The following VTCN1 variants were observed in gnomAD, a reference collection of about 807,000 sequenced individuals.
VTCN1 encodes V-set domain containing T cell activation inhibitor 1.
Under a neutral mutation model 26.5 loss-of-function variants are expected in VTCN1, and 26 were observed. The observed-to-expected ratio is 0.98, with a 90% CI of 0.72 to 1.36. The LOEUF (loss-of-function observed/expected upper bound fraction) is 1.36, where lower values mean the gene tolerates loss of function less well. Ranked by LOEUF, VTCN1 falls within the 40% of genes most tolerant of loss-of-function variation. VTCN1 has a pLI of 0.00. For missense variants in VTCN1, 298 were observed against 337.7 expected (o/e 0.88, Z 0.92); for synonymous variants, 116 against 130.7 (o/e 0.89, Z 0.77).
rs2101507472 is a variant in VTCN1 at position 117,167,245 on chromosome 1, T to G, written c.97+2862A>C. Among the ~76,000 whole-genome samples, 1 of 152,262 alleles carries G rather than the reference T, an allele frequency of 6.6e-6. No individual in the cohort carries two copies. The highest frequency in any genetic ancestry group is 2.4e-5 in the African/African-American group (1 of 41,544). On this transcript the variant is annotated intron_variant, in intron 2 of 5. Transcript: ENST00000369458. The surrounding 1 kb of genome is among the most constrained non-coding windows in gnomAD (Gnocchi z 4.1). ...AACATAAAAATCCACACATCATAAC[T>G]GTACAGCTTGAAGAATGATTATAAC...
rs1160631213 is a variant in VTCN1, at chr1:117,146,368, C to A, written c.*46-1143G>T. Among the ~76,000 whole-genome samples the A allele has an allele frequency of 2.6e-5, 4 of 152,132 alleles. No homozygotes were observed. Among genetic ancestry groups the A allele is most frequent in the Non-Finnish European group, 5.9e-5 (4 of 68,034 alleles). On this transcript the variant is annotated intron_variant, in intron 5 of 5. Transcript: ENST00000369458. This position sits in a 1 kb window ranked among gnomAD's most constrained non-coding sequence, Gnocchi z 4.2. Reference sequence around the variant, plus strand: ...TTTGTTCACTGCACTATAGTGAAATCTTGGAGAACAAGAGAAAGAATGAAA... The same window carrying A: ...TTTGTTCACTGCACTATAGTGAAATATTGGAGAACAAGAGAAAGAATGAAA...
chr1:117,174,634 G>A (rs1168261967), intron 1 of VTCN1, among the ~76,000 whole-genome samples: 2 of 152,170 alleles, frequency 1.3e-5, no homozygotes. Context: ...GGGCGTGGTG[G>A]CAAGTGCCTG....
intron 1 of VTCN1, among the ~76,000 whole-genome samples, chr1:117,210,372 C>T (rs1397813381): frequency 6.6e-6 from 1 of 152,182 alleles, no homozygotes; most frequent in Non-Finnish European, 1.5e-5. Flanking sequence ...AGAATGAAAG[C>T]ACATTCTCCT....
intron 1 of VTCN1, among the ~76,000 whole-genome samples, chr1:117,192,282 A>G (rs762351154): frequency 6.6e-6 from 1 of 152,100 alleles, no homozygotes; most frequent in Non-Finnish European, 1.5e-5. Flanking sequence ...TCAACCCAAA[A>G]TACTAAACCT....
intron 1 of VTCN1, among the ~76,000 whole-genome samples, chr1:117,193,591 A>G (rs1648356936): frequency 6.6e-6 from 1 of 152,174 alleles, no homozygotes; most frequent in Non-Finnish European, 1.5e-5. Flanking sequence ...GGAGCATCTA[A>G]ATATATAAAG....
In VTCN1 at chr1:117,164,767, C is replaced by G. The variant is rs149224135; in HGVS notation, c.97+5340G>C. On this transcript the variant is annotated intron_variant, in intron 2 of 5. Transcript: ENST00000369458. ...TTCAAAGTCAGAGGGTGCGTGATAG[C>G]GCAGGGACTGGGCTGGGTATGGTTA... Among the ~76,000 whole-genome samples the G allele has an allele frequency of 5.3e-4, 80 of 152,304 alleles. 1 individual carries two copies. In the East Asian group the frequency reaches 0.014, roughly 27 times the overall value.
In VTCN1 at chr1:117,205,218, C is replaced by G. The variant is rs115337023; in HGVS notation, c.32+5606G>C. Among the ~76,000 whole-genome samples, 658 of 151,044 alleles carry G rather than the reference C, an allele frequency of 4.4e-3. 8 individuals carry two copies. Among genetic ancestry groups the G allele is most frequent in the African/African-American group, 0.015 (632 of 41,132 alleles). On this transcript the variant is annotated intron_variant, in intron 1 of 5. Transcript: ENST00000369458. ...TTACCCAGGCTGGAGTGCAGTAACACCAATGATGGCTCACTGCAACCTTAA... is the reference window on the plus strand; with the variant it reads ...TTACCCAGGCTGGAGTGCAGTAACAGCAATGATGGCTCACTGCAACCTTAA...
In VTCN1 at chr1:117,210,493, C is replaced by A. The variant is rs150437854; in HGVS notation, c.32+331G>T. Among the ~76,000 whole-genome samples the A allele has an allele frequency of 5.2e-3, 799 of 152,340 alleles. 4 individuals carry two copies. Among genetic ancestry groups the A allele is most frequent in the African/African-American group, 0.019 (775 of 41,572 alleles). ...CCCACACCAGCCTGCTCAGTGTCCC[C>A]ATGGTGCTCACAGCCTTGACATCTC... On this transcript the variant is annotated intron_variant, in intron 1 of 5. Transcript: ENST00000369458.
chr1:117,158,109 T>G (rs1652181885), intron 2 of VTCN1, among the ~76,000 whole-genome samples: 1 of 152,216 alleles, frequency 6.6e-6, no homozygotes, highest in South Asian at 2.1e-4. Context: ...GAGTGTCTGT[T>G]GCTTTTCCAG....
intron 2 of VTCN1, among the ~76,000 whole-genome samples, chr1:117,162,359 A>G (rs1217689975): frequency 6.6e-6 from 1 of 152,272 alleles, no homozygotes; most frequent in African/African-American, 2.4e-5. Flanking sequence ...GAAACTATTC[A>G]GACTTGCAAA....
chr1:117,147,812 A>T lies in VTCN1; in HGVS notation c.725-30T>A. ...GAAGTGAGAGAAAAAGTTTAGGGTCATACAGGAGAAGCTGGATGTCTTCTT... is the reference window on the plus strand; with the variant it reads ...GAAGTGAGAGAAAAAGTTTAGGGTCTTACAGGAGAAGCTGGATGTCTTCTT... On this transcript the variant is annotated intron_variant, in intron 4 of 5. Coordinates refer to ENST00000369458, the MANE Select transcript of VTCN1 (RefSeq NM_024626.4). This position sits in a 1 kb window ranked among gnomAD's most constrained non-coding sequence, Gnocchi z 4.6. 2.5e-6 allele frequency: 4 copies of T among 1,606,694 alleles called. No homozygotes were observed. The highest frequency in any genetic ancestry group is 3.4e-6 in the Non-Finnish European group (4 of 1,177,400).
At chr1:117,176,927 C>T (rs1057264147) in intron 1 of VTCN1, among the ~76,000 whole-genome samples, 6 of 152,110 alleles carry the variant, frequency 3.9e-5, no homozygotes, top group East Asian at 1.9e-4. Flanking sequence ...GGTGAAAGCC[C>T]GTCTCTACTA....
intron 4 of VTCN1, 41 bp downstream of exon 4, chr1:117,153,050 C>T: frequency 3.2e-6 from 5 of 1,567,942 alleles, no homozygotes; most frequent in East Asian, 2.3e-5. Flanking sequence ...AGATTTTACT[C>T]TTTCCCCAGT....
In VTCN1 at chr1:117,147,650, G is replaced by A. The variant is rs10754339; in HGVS notation, c.*8C>T. 0.89 allele frequency: 1,437,651 copies of A among 1,611,228 alleles called. 652,566 individuals carry two copies. Among genetic ancestry groups the A allele is most frequent in the Non-Finnish European group, 0.92 (1,086,446 of 1,179,190 alleles). On this transcript the variant is annotated 3_prime_UTR_variant, in exon 5 of 6. Transcript: ENST00000369458. The surrounding 1 kb of genome is among the most constrained non-coding windows in gnomAD (Gnocchi z 4.6). Reference sequence around the variant, plus strand: ...TGACTTTGCATGCTTTTTTGTGGCCGAGGCACATTATTTTAGCATCAGGTA... The same window carrying A: ...TGACTTTGCATGCTTTTTTGTGGCCAAGGCACATTATTTTAGCATCAGGTA...
chr1:117,144,236 G>A lies in VTCN1; in HGVS notation c.*1035C>T, dbSNP rs1384377153. ...CACAGTTGACACTTCGGATTGGGTA[G>A]TTGTAATGGGGAGACGTCCTGTACA... On this transcript the variant is annotated 3_prime_UTR_variant, in exon 6 of 6. Transcript: ENST00000369458. 1 of 152,206 alleles carries A rather than the reference G, an allele frequency of 6.6e-6. No individual in the cohort carries two copies. Among genetic ancestry groups the A allele is most frequent in the Non-Finnish European group, 1.5e-5 (1 of 68,086 alleles). 9.4% of individuals were successfully genotyped at this position (152,206 alleles called of 1,614,324 possible).
intron 1 of VTCN1, among the ~76,000 whole-genome samples, chr1:117,173,533 C>T (rs932710130): frequency 6.6e-6 from 1 of 152,192 alleles, no homozygotes; most frequent in African/African-American, 2.4e-5. Context: ...CATGTCCATC[C>T]TGGCCTCCAG....
chr1:117,175,443 G>C lies in VTCN1; in HGVS notation c.33-5272C>G, dbSNP rs1247415129. Among the ~76,000 whole-genome samples, 1 of 152,236 alleles carries C rather than the reference G, an allele frequency of 6.6e-6. No individual in the cohort carries two copies. Among genetic ancestry groups the C allele is most frequent in the Non-Finnish European group, 1.5e-5 (1 of 68,050 alleles). On this transcript the variant is annotated intron_variant, in intron 1 of 5. Coordinates refer to ENST00000369458, the MANE Select transcript of VTCN1 (RefSeq NM_024626.4). This position sits in a 1 kb window ranked among gnomAD's most constrained non-coding sequence, Gnocchi z 4.2. ...GTGCAGCCTAGGACACGCAAGGGTA[G>C]GATGTACTTCTCTGGAGAGGGAGCC...
chr1:117,200,449 A>T lies in VTCN1; in HGVS notation c.32+10375T>A, dbSNP rs111581449. ...CCAAGATTGCAGAGTAGTGTCAAGG[A>T]TAAGATGACCTCCAGCCAGGACTTC... On this transcript the variant is annotated intron_variant, in intron 1 of 5. Transcript: ENST00000369458. 4.8e-3 allele frequency among the ~76,000 whole-genome samples: 729 copies of T among 152,264 alleles called. 3 individuals carry two copies. Among genetic ancestry groups the T allele is most frequent in the African/African-American group, 0.017 (699 of 41,544 alleles).
chr1:117,161,120 G>T lies in VTCN1; in HGVS notation c.98-4199C>A, dbSNP rs998177266. ...TGAAAGAGGACAAAATGAAGTTTTT[G>T]CTGTGTAATAAGAACACAACACACC... is the stretch of plus-strand genomic sequence containing the variant. On this transcript the variant is annotated intron_variant, in intron 2 of 5. Transcript: ENST00000369458. This position sits in a 1 kb window ranked among gnomAD's most constrained non-coding sequence, Gnocchi z 4.3. Among the ~76,000 whole-genome samples, 1 of 152,172 alleles carries T rather than the reference G, an allele frequency of 6.6e-6. No individual in the cohort carries two copies. Among genetic ancestry groups the T allele is most frequent in the Non-Finnish European group, 1.5e-5 (1 of 68,024 alleles).
Sources: allele counts gnomAD v4.1 joint callset (sites outside exome capture counted in the v4.1 genomes callset), GRCh38; gene constraint gnomAD v4.1.1; non-coding constraint Gnocchi (gnomAD v3.1); transcripts MANE v1.5; gene names NCBI Gene and HGNC (gene_info 2026-07-23, HGNC 2026-07-21).